NUDCD3: variants seen among roughly 807,000 people sequenced by gnomAD.
NUDCD3 encodes NudC domain containing 3, also known as nudC domain-containing protein 3.
Under a neutral mutation model 39.7 loss-of-function variants are expected in NUDCD3, and 13 were observed. The ratio of observed to expected loss-of-function variants is 0.33; its 90% CI spans 0.21 to 0.52. The LOEUF (loss-of-function observed/expected upper bound fraction) is 0.52. Ranked by LOEUF, NUDCD3 falls within the 20% of genes least tolerant of loss-of-function variation. The pLI is 0.96. For missense variants in NUDCD3, 453 were observed against 458.1 expected (o/e 0.99, Z 0.10); for synonymous variants, 175 against 172.4 (o/e 1.02, Z -0.12).
At chr7:44,465,515 G>A (rs1338646138) in intron 2 of NUDCD3, among the ~76,000 whole-genome samples, 1 of 152,200 alleles carries the variant, frequency 6.6e-6, no homozygotes, top group African/African-American at 2.4e-5. Flanking sequence ...TGGGCACAGG[G>A]AGAACTCTCT....
chr7:44,401,999 C>G (rs1798736362), intron 4 of NUDCD3, among the ~76,000 whole-genome samples: 1 of 152,222 alleles, frequency 6.6e-6, no homozygotes, highest in Non-Finnish European at 1.5e-5. Flanking sequence ...AATGGGGACC[C>G]ACACTCCTCC....
rs146307562 is a variant in NUDCD3, at chr7:44,426,998, AT to A, written c.642+572del. ...TCTCTGTGATGCATGGCTCATCACC[AT>A]ACACGGGGAGGTGCTACCCACTGTG... On this transcript the variant is annotated intron_variant, in intron 3 of 5. Coordinates refer to ENST00000355451, the MANE Select transcript of NUDCD3 (RefSeq NM_015332.4). Among the ~76,000 whole-genome samples the A allele has an allele frequency of 6.2e-3, 939 of 152,270 alleles. 7 individuals carry two copies. The highest frequency in any genetic ancestry group is 0.022 in the African/African-American group (897 of 41,546).
At chr7:44,483,383 G>T (rs1800535928) in intron 2 of NUDCD3, among the ~76,000 whole-genome samples, 1 of 151,914 alleles carries the variant, frequency 6.6e-6, no homozygotes, top group African/African-American at 2.4e-5. Flanking sequence ...CCTCAGAAAT[G>T]GAAGATGAAA....
At chr7:44,407,990 A>T (rs1798860103) in intron 3 of NUDCD3, among the ~76,000 whole-genome samples, 1 of 152,132 alleles carries the variant, frequency 6.6e-6, no homozygotes, top group Non-Finnish European at 1.5e-5. Context: ...AAGCAGAATG[A>T]ATGAAAGACT....
At chr7:44,391,529 C>T (rs1005673867) in intron 5 of NUDCD3, among the ~76,000 whole-genome samples, 1 of 152,098 alleles carries the variant, frequency 6.6e-6, no homozygotes, top group African/African-American at 2.4e-5. Context: ...GGAGGCGGTC[C>T]GTGTTTACAG....
At chr7:44,480,660 G>A (rs200966700) in intron 2 of NUDCD3, among the ~76,000 whole-genome samples, 1 of 151,910 alleles carries the variant, frequency 6.6e-6, no homozygotes, top group East Asian at 1.9e-4. Context: ...CCCAAAAAAT[G>A]GCCAGGCATG....
chr7:44,392,467 C>G lies in NUDCD3; in HGVS notation c.805G>C (p.Gly269Arg). 6.2e-7 allele frequency: 1 copy of G among 1,614,050 alleles called. No individual in the cohort carries two copies. ...AGGATGGCGTTCCACCAATACTCGC[C>G]CACCTTGCTCAGGTTCACCTGGGGA... is the stretch of plus-strand genomic sequence containing the variant. ...KCVLVNLSKV[G>R]EYWWNAILEG... Residue 269 changes from glycine to arginine, a missense_variant, in exon 5 of 6, where the codon GGC becomes CGC. Physicochemically the swap from Gly to Arg is moderately radical, Grantham distance 125. Transcript: ENST00000355451.
intron 2 of NUDCD3, among the ~76,000 whole-genome samples, chr7:44,464,596 G>T (rs948298742): frequency 1.3e-5 from 2 of 152,004 alleles, no homozygotes; most frequent in Non-Finnish European, 2.9e-5. Flanking sequence ...TGGGATTACA[G>T]GCATGTACCA....
In NUDCD3 at chr7:44,391,098, T is replaced by C. The variant is rs375468467; in HGVS notation, c.975+1199A>G. Among the ~76,000 whole-genome samples the C allele has an allele frequency of 3.3e-5, 5 of 152,276 alleles. No individual in the cohort carries two copies. In the East Asian group the frequency reaches 5.8e-4, roughly 18 times the overall value. On this transcript the variant is annotated intron_variant, in intron 5 of 5. Transcript: ENST00000355451. ...GAGGTCAAACCCCATCCCTGCTGCC[T>C]AAGCTACTGAGTCACAACCTCAGAA...
In NUDCD3 at chr7:44,394,508, C is replaced by T. The variant is rs1798583489; in HGVS notation, c.787-2023G>A. ...TATTCCAGGGAAGACTTCAGAGGAA[C>T]TCACAGAACTGTAAATCTCTGGAAA... On this transcript the variant is annotated intron_variant, in intron 4 of 5. Transcript: ENST00000355451. Among the ~76,000 whole-genome samples, 3 of 152,198 alleles carry T rather than the reference C, an allele frequency of 2.0e-5. No homozygotes were observed. The South Asian group carries it at 6.2e-4, about 32-fold the overall frequency.
intron 3 of NUDCD3, among the ~76,000 whole-genome samples, chr7:44,412,229 A>T (rs969157950): frequency 6.6e-6 from 1 of 152,248 alleles, no homozygotes; most frequent in Non-Finnish European, 1.5e-5. Context: ...AAACACATCC[A>T]CGTGTACTGA....
At position 44,423,610 on chromosome 7, in the gene NUDCD3, G is replaced by A. The variant is rs1466915299; in HGVS notation, c.642+3961C>T. 3.9e-5 allele frequency among the ~76,000 whole-genome samples: 6 copies of A among 152,022 alleles called. No individual in the cohort carries two copies. In the East Asian group the frequency reaches 1.2e-3, roughly 29 times the overall value. On this transcript the variant is annotated intron_variant, in intron 3 of 5. Coordinates refer to ENST00000355451, the MANE Select transcript of NUDCD3 (RefSeq NM_015332.4). ...GGGACATGAAGGACCTCTTCAAGGA[G>A]AACTACAAACCACTGCTCAAGGAAA... is the stretch of plus-strand genomic sequence containing the variant.
At chr7:44,419,248 G>A (rs1202185142) in intron 3 of NUDCD3, among the ~76,000 whole-genome samples, 3 of 152,142 alleles carry the variant, frequency 2.0e-5, no homozygotes, top group Non-Finnish European at 4.4e-5. Context: ...TCAACACAGC[G>A]TGGCAAAGTG....
chr7:44,479,680 C>T (rs1800448523), intron 2 of NUDCD3, among the ~76,000 whole-genome samples: 1 of 152,150 alleles, frequency 6.6e-6, no homozygotes, highest in South Asian at 2.1e-4. Flanking sequence ...TATCAGCAAT[C>T]TAAGACTTAG....
At chr7:44,484,891 T>C in intron 2 of NUDCD3, 77 bp downstream of exon 2, 1 of 1,089,576 alleles carries the variant, frequency 9.2e-7, no homozygotes. Flanking sequence ...TGTTACAAAG[T>C]AAGAATAAAT....
chr7:44,451,554 C>T (rs982288562), intron 2 of NUDCD3, among the ~76,000 whole-genome samples: 3 of 152,206 alleles, frequency 2.0e-5, no homozygotes, highest in Non-Finnish European at 2.9e-5. Context: ...TATATGATTC[C>T]ATTTATACAA....
intron 2 of NUDCD3, among the ~76,000 whole-genome samples, chr7:44,428,583 A>G (rs1799287268): frequency 6.6e-6 from 1 of 152,256 alleles, no homozygotes. Flanking sequence ...TTGTTAAGAC[A>G]TAAGCAGTAT....
chr7:44,457,863 T>A (rs76459424), intron 2 of NUDCD3, among the ~76,000 whole-genome samples: 1 of 152,174 alleles, frequency 6.6e-6, no homozygotes, highest in Non-Finnish European at 1.5e-5. Context: ...TGTGAAGGAA[T>A]TGGAATCCCC....
intron 3 of NUDCD3, among the ~76,000 whole-genome samples, chr7:44,420,772 T>C (rs1273688241): frequency 6.6e-6 from 1 of 152,084 alleles, no homozygotes; most frequent in African/African-American, 2.4e-5. Flanking sequence ...GAAGGTGAAA[T>C]AAAATCCTTT....
Sources: allele counts gnomAD v4.1 joint callset (sites outside exome capture counted in the v4.1 genomes callset), GRCh38; gene constraint gnomAD v4.1.1; transcripts MANE v1.5; gene names NCBI Gene and HGNC (gene_info 2026-07-23, HGNC 2026-07-21).